Variants in SEMA3E observed in about 807,000 individuals in gnomAD.
The protein encoded by SEMA3E is semaphorin-3E.
Under a neutral mutation model 93.6 loss-of-function variants are expected in SEMA3E, and 49 were observed. The observed-to-expected ratio is 0.52, with a 90% CI of 0.42 to 0.66. SEMA3E has a LOEUF of 0.66. SEMA3E is among the 30% of genes least tolerant of loss of function. The pLI, the probability that SEMA3E is intolerant of heterozygous loss-of-function variation, is 0.00. For missense variants in SEMA3E, 906 were observed against 964.8 expected, an observed-to-expected ratio of 0.94 and a Z score of 0.81; for synonymous variants, 363 against 330.7, an observed-to-expected ratio of 1.10 and a Z score of -1.06.
At chr7:83,408,127 T>A (rs976918822) in intron 6 of SEMA3E, among the ~76,000 whole-genome samples, 1 of 152,206 alleles carries the variant, frequency 6.6e-6, no homozygotes, top group Admixed American at 6.5e-5. Flanking sequence ...ATTCAAATAC[T>A]GATTTCTAAG....
chr7:83,428,422 C>CAT (rs1788815236), intron 4 of SEMA3E, among the ~76,000 whole-genome samples: 1 of 152,174 alleles, frequency 6.6e-6, no homozygotes, highest in South Asian at 2.1e-4. Flanking sequence ...ATGTTCATTA[C>CAT]ATATATTTCT....
intron 1 of SEMA3E, among the ~76,000 whole-genome samples, chr7:83,612,937 T>C (rs1793294119): frequency 6.6e-6 from 1 of 150,830 alleles, no homozygotes; most frequent in East Asian, 2.0e-4. Context: ...AAAACTCATA[T>C]CCATGATTCA....
At chr7:83,374,646 A>C (rs1013671440) in intron 16 of SEMA3E, among the ~76,000 whole-genome samples, 3 of 152,210 alleles carry the variant, frequency 2.0e-5, no homozygotes, top group Non-Finnish European at 4.4e-5. Context: ...CTGTAAAAAC[A>C]TAGTGCTGAG....
chr7:83,521,762 A>G (rs1160429443), intron 1 of SEMA3E, among the ~76,000 whole-genome samples: 2 of 152,082 alleles, frequency 1.3e-5, no homozygotes, highest in Non-Finnish European at 1.5e-5. Flanking sequence ...ATAGAGAAAG[A>G]AGGAGTGCCC....
intron 16 of SEMA3E, among the ~76,000 whole-genome samples, chr7:83,378,178 G>A (rs1174653878): frequency 2.6e-5 from 4 of 151,910 alleles, no homozygotes; most frequent in African/African-American, 9.7e-5. Flanking sequence ...TTTAAATGAA[G>A]ATAGAAGACC....
chr7:83,445,158 C>A (rs563379772), intron 4 of SEMA3E, among the ~76,000 whole-genome samples: 1 of 152,314 alleles, frequency 6.6e-6, no homozygotes, highest in South Asian at 2.1e-4. Flanking sequence ...GTGATAGATG[C>A]ACCTTGAGTG....
intron 4 of SEMA3E, among the ~76,000 whole-genome samples, chr7:83,445,724 AAAAT>A (rs144828397): frequency 0.014 from 2,144 of 152,172 alleles, 53 homozygotes; most frequent in African/African-American, 0.048. Context: ...ATCTCAAATT[AAAAT>A]AAATAAATAA....
chr7:83,554,483 T>C (rs1791841863), intron 1 of SEMA3E, among the ~76,000 whole-genome samples: 1 of 152,174 alleles, frequency 6.6e-6, no homozygotes, highest in East Asian at 1.9e-4. Context: ...TTCTGACCGT[T>C]CTAGAGATGT....
intron 1 of SEMA3E, among the ~76,000 whole-genome samples, chr7:83,625,670 C>T (rs1018231572): frequency 6.6e-6 from 1 of 152,046 alleles, no homozygotes; most frequent in Non-Finnish European, 1.5e-5. Context: ...ATCTGACTTC[C>T]TCTCTTCCTA....
chr7:83,631,805 A>T (rs1793791474), intron 1 of SEMA3E, among the ~76,000 whole-genome samples: 1 of 152,226 alleles, frequency 6.6e-6, no homozygotes, highest in African/African-American at 2.4e-5. Flanking sequence ...CAGCAATCAA[A>T]TAAAATGGCA....
intron 1 of SEMA3E, among the ~76,000 whole-genome samples, chr7:83,520,604 T>TA (rs1259119812): frequency 6.6e-6 from 1 of 151,796 alleles, no homozygotes; most frequent in African/African-American, 2.4e-5. Context: ...AAAAACTGCC[T>TA]AAAAAACAAA....
chr7:83,493,487 T>C (rs1003551811), intron 1 of SEMA3E, among the ~76,000 whole-genome samples: 4 of 151,922 alleles, frequency 2.6e-5, no homozygotes, highest in Non-Finnish European at 5.9e-5. Flanking sequence ...AGGTAATAAA[T>C]TGAGAAATAT....
At chr7:83,581,720 A>G (rs1195186048) in intron 1 of SEMA3E, among the ~76,000 whole-genome samples, 1 of 151,992 alleles carries the variant, frequency 6.6e-6, no homozygotes, top group Non-Finnish European at 1.5e-5. Context: ...GATCAAAGCT[A>G]TTAGCTAATA....
At chr7:83,470,242 C>A (rs543352131) in intron 2 of SEMA3E, among the ~76,000 whole-genome samples, 3 of 152,232 alleles carry the variant, frequency 2.0e-5, no homozygotes, top group East Asian at 3.9e-4. Context: ...TAGTATCTAG[C>A]ACTTTCCTGA....
At chr7:83,505,947 G>A (rs915914746) in intron 1 of SEMA3E, among the ~76,000 whole-genome samples, 7 of 149,212 alleles carry the variant, frequency 4.7e-5, no homozygotes, top group Non-Finnish European at 1.0e-4. Context: ...CCTGGGAAGC[G>A]GAGCTTGCAA....
chr7:83,563,938 T>C (rs1043644396), intron 1 of SEMA3E, among the ~76,000 whole-genome samples: 15 of 152,180 alleles, frequency 9.9e-5, no homozygotes, highest in African/African-American at 3.4e-4. Context: ...TTTTAAATTT[T>C]ATATGAAAAC....
At chr7:83,572,806 A>G (rs1792314723) in intron 1 of SEMA3E, among the ~76,000 whole-genome samples, 1 of 152,206 alleles carries the variant, frequency 6.6e-6, no homozygotes, top group South Asian at 2.1e-4. Flanking sequence ...ATAGTGCTAG[A>G]ATAACTGGCT....
chr7:83,594,661 A>G (rs1792829512), intron 1 of SEMA3E, among the ~76,000 whole-genome samples: 1 of 152,100 alleles, frequency 6.6e-6, no homozygotes, highest in African/African-American at 2.4e-5. Context: ...TTTTGAAAAT[A>G]TGTTATAGTG....
chr7:83,601,697 G>GA (rs1793002598), intron 1 of SEMA3E, among the ~76,000 whole-genome samples: 1 of 152,078 alleles, frequency 6.6e-6, no homozygotes, highest in Admixed American at 6.6e-5. Flanking sequence ...AAGAAATAGA[G>GA]AAAATCAAGC....
Sources: gnomAD v4.1 joint callset for allele counts (sites outside exome capture counted in the v4.1 genomes callset) on GRCh38, gnomAD v4.1.1 for gene constraint, MANE v1.5 for transcripts, NCBI Gene and HGNC (gene_info 2026-07-23, HGNC 2026-07-21) for gene names.